TTC39B: variants seen among roughly 807,000 people sequenced by gnomAD.
TTC39B encodes the protein tetratricopeptide repeat protein 39B.
TTC39B carries 92 observed loss-of-function variants against 96.6 expected under a neutral mutation model. The observed-to-expected ratio is 0.95, with a 90% CI of 0.80 to 1.13. The LOEUF (loss-of-function observed/expected upper bound fraction) is 1.13, where lower values mean the gene tolerates loss of function less well. Among genes scored for constraint, TTC39B ranks in the 50% most tolerant of loss-of-function variants. TTC39B has a pLI of 0.00. For missense variants in TTC39B, 955 were observed against 809.3 expected (o/e 1.18, Z -2.18); for synonymous variants, 367 against 299.4 (o/e 1.23, Z -2.33).
Position 15,182,421 on chromosome 9 carries a change from G to A in TTC39B, c.1615-6C>T, listed in dbSNP as rs1458762863. ...TTCCAGACATACATCATTTCCTAAT[G>A]AGGAAAAATGAAAACCATTTGCAGT... On this transcript the variant is annotated splice_polypyrimidine_tract_variant and splice_region_variant and intron_variant, in intron 16 of 19. Coordinates refer to ENST00000512701, the Ensembl canonical transcript of TTC39B. The A allele has an allele frequency of 1.3e-6, 2 of 1,590,178 alleles. No individual in the cohort carries two copies. The highest frequency in any genetic ancestry group is 1.7e-6 in the Non-Finnish European group (2 of 1,163,550).
intron 1 of TTC39B, among the ~76,000 whole-genome samples, chr9:15,293,942 C>T (rs1376348559): frequency 6.6e-6 from 1 of 152,184 alleles, no homozygotes; most frequent in African/African-American, 2.4e-5. Flanking sequence ...CGTCACTTTC[C>T]TTTCTCTGTC....
exon 20 of TTC39B, chr9:15,171,145 T>G (rs1367430507): frequency 6.6e-6 from 1 of 152,134 alleles, no homozygotes; most frequent in Non-Finnish European, 1.5e-5. Flanking sequence ...GACATCACAG[T>G]GCTAGAGAGA....
intron 1 of TTC39B, among the ~76,000 whole-genome samples, chr9:15,281,711 C>CT (rs1388121418): frequency 2.7e-5 from 4 of 147,592 alleles, no homozygotes; most frequent in East Asian, 2.0e-4. Context: ...GGGTCTCACT[C>CT]TGTCACTCAC....
intron 1 of TTC39B, among the ~76,000 whole-genome samples, chr9:15,301,869 C>G (rs1290783485): frequency 6.6e-6 from 1 of 152,060 alleles, no homozygotes; most frequent in Non-Finnish European, 1.5e-5. Context: ...CTAAAAATTC[C>G]TGGGCCAAAA....
rs1019296440 is a variant in TTC39B, at chr9:15,306,156, C to T, written c.240+928G>A. Among the ~76,000 whole-genome samples, 5 of 152,226 alleles carry T rather than the reference C, an allele frequency of 3.3e-5. No homozygotes were observed. Among genetic ancestry groups the T allele is most frequent in the Non-Finnish European group, 7.3e-5 (5 of 68,044 alleles). On this transcript the variant is annotated intron_variant, in intron 1 of 19. Transcript: ENST00000512701. The surrounding 1 kb of genome is among the most constrained non-coding windows in gnomAD (Gnocchi z 5.1). ...AACCAAAGCCTTCTAAAGGCAGCGA[C>T]TCGCACAATTCAAGTCAGGTAAGAT...
chr9:15,221,407 C>T (rs1019807662), intron 3 of TTC39B, among the ~76,000 whole-genome samples: 1 of 152,126 alleles, frequency 6.6e-6, no homozygotes, highest in Non-Finnish European at 1.5e-5. Context: ...TCAAATTGTC[C>T]CGGATTTGGC....
intron 2 of TTC39B, among the ~76,000 whole-genome samples, chr9:15,234,329 A>G (rs1366277014): frequency 2.4e-4 from 33 of 135,856 alleles, no homozygotes; most frequent in Non-Finnish European, 4.3e-4. Flanking sequence ...CCCCCCGCCC[A>G]GCCAGCCGCC....
intron 18 of TTC39B, among the ~76,000 whole-genome samples, chr9:15,177,109 T>C (rs138719207): frequency 6.6e-6 from 1 of 152,340 alleles, no homozygotes; most frequent in African/African-American, 2.4e-5. Context: ...GCACAGTCTC[T>C]GGCATATAGT....
intron 1 of TTC39B, among the ~76,000 whole-genome samples, chr9:15,277,147 G>A (rs1258142201): frequency 2.6e-5 from 4 of 152,164 alleles, no homozygotes; most frequent in African/African-American, 9.7e-5. Flanking sequence ...ATAATTTATG[G>A]GCTGGGCGCA....
chr9:15,227,405 T>C (rs967657880), intron 2 of TTC39B, among the ~76,000 whole-genome samples: 2 of 152,162 alleles, frequency 1.3e-5, no homozygotes, highest in Non-Finnish European at 2.9e-5. Flanking sequence ...TGCACTCTAA[T>C]ATTTTACACT....
intron 2 of TTC39B, among the ~76,000 whole-genome samples, chr9:15,230,599 A>C (rs996804799): frequency 6.6e-6 from 1 of 152,200 alleles, no homozygotes; most frequent in Non-Finnish European, 1.5e-5. Context: ...TTGTATAGCT[A>C]TACCACATTT....
chr9:15,272,741 T>C (rs567722395), intron 1 of TTC39B, among the ~76,000 whole-genome samples: 1 of 152,340 alleles, frequency 6.6e-6, no homozygotes, highest in African/African-American at 2.4e-5. Flanking sequence ...CACAGTACTC[T>C]GTACTTCATG....
intron 6 of TTC39B, among the ~76,000 whole-genome samples, chr9:15,206,186 C>T (rs1311232518): frequency 6.6e-6 from 1 of 152,132 alleles, no homozygotes; most frequent in Admixed American, 6.5e-5. Flanking sequence ...CCCAGGCACT[C>T]ATTGCATTTA....
intron 1 of TTC39B, among the ~76,000 whole-genome samples, chr9:15,290,972 C>T (rs1166755095): frequency 6.6e-6 from 1 of 152,206 alleles, no homozygotes; most frequent in African/African-American, 2.4e-5. Flanking sequence ...TAATGCAAAG[C>T]ACACCTTAAT....
At chr9:15,229,622 T>C (rs538470131) in intron 2 of TTC39B, among the ~76,000 whole-genome samples, 39 of 152,332 alleles carry the variant, frequency 2.6e-4, no homozygotes, top group African/African-American at 8.7e-4. Flanking sequence ...CTCACTGACA[T>C]GCGTTGATTC....
intron 2 of TTC39B, among the ~76,000 whole-genome samples, chr9:15,243,632 G>A (rs1822145094): frequency 6.6e-6 from 1 of 152,216 alleles, no homozygotes; most frequent in South Asian, 2.1e-4. Context: ...AAAGCAGGCT[G>A]GGTACAGTGC....
chr9:15,164,263 G>A (rs538086594), exon 20 of TTC39B: 1 of 152,314 alleles, frequency 6.6e-6, no homozygotes, highest in Non-Finnish European at 1.5e-5. Flanking sequence ...ATAAAATGCT[G>A]ACAATTTTTA....
At chr9:15,236,575 A>C (rs1415783565) in intron 2 of TTC39B, among the ~76,000 whole-genome samples, 2 of 152,244 alleles carry the variant, frequency 1.3e-5, no homozygotes, top group African/African-American at 2.4e-5. Context: ...ACTCAGCCAC[A>C]AAGCAAGTCT....
rs1818650934 is a variant in TTC39B at position 15,188,258 on chromosome 9, T to C, written c.1234-126A>G. 3.4e-6 allele frequency: 3 copies of C among 880,490 alleles called. No homozygotes were observed. The African/African-American group carries it at 5.2e-5, about 15-fold the overall frequency. The allele number at this position is 880,490 out of a possible 1,614,324, so 54.5% of individuals were successfully genotyped here. A position where few individuals can be genotyped will look rare whatever the true frequency, so the allele number is the denominator to read the frequency against. ...TTATCACTCATTAAACCTCTCAATA[T>C]GATGATATGTTCTTTTCCTTACAGG... On this transcript the variant is annotated intron_variant, in intron 13 of 19. Coordinates refer to ENST00000512701, the Ensembl canonical transcript of TTC39B.
Sources: gnomAD v4.1 joint callset for allele counts (sites outside exome capture counted in the v4.1 genomes callset) on GRCh38, gnomAD v4.1.1 for gene constraint, Gnocchi (gnomAD v3.1) non-coding constraint, MANE v1.5 for transcripts, NCBI Gene and HGNC (gene_info 2026-07-23, HGNC 2026-07-21) for gene names.